Variants in CTNNA2 observed in about 807,000 individuals in gnomAD.
CTNNA2 encodes the protein catenin alpha-2.
CTNNA2 carries 42 observed loss-of-function variants against 101.0 expected under a neutral mutation model. That is an observed-to-expected ratio of 0.42 (90% confidence interval 0.32 to 0.54). The LOEUF (loss-of-function observed/expected upper bound fraction) is 0.54. CTNNA2 is among the 20% of genes least tolerant of loss of function. The probability of loss-of-function intolerance (pLI) is 0.14; values close to 1 mark genes in which losing one functional copy is unlikely to be tolerated. For synonymous variants in CTNNA2, 450 were observed against 456.4 expected (o/e 0.99, Z 0.18); for missense variants, 871 against 1,223.1 (o/e 0.71, Z 4.29).
At position 79,270,933 on chromosome 2, in the gene CTNNA2, T is replaced by TA. The variant is rs1055054678; in HGVS notation, c.-405-41767dup. ...TCTCTGCAGGAGTAAACTAGGGATT[T>TA]AAAAAAAAATGAGGAAACAGGAAAA... On this transcript the variant is annotated intron_variant, in intron 2 of 21. Coordinates refer to the CTNNA2 transcript ENST00000466387. 7.2e-4 allele frequency among the ~76,000 whole-genome samples: 108 copies of TA among 150,982 alleles called. 1 individual carries two copies. Among genetic ancestry groups the TA allele is most frequent in the Middle Eastern group, 3.4e-3 (1 of 294 alleles).
chr2:79,229,046 G>T (rs1674456804), intron 2 of CTNNA2, among the ~76,000 whole-genome samples: 1 of 152,030 alleles, frequency 6.6e-6, no homozygotes, highest in African/African-American at 2.4e-5. Flanking sequence ...TGTTAATTTT[G>T]TCAAAGGTCA....
intron 2 of CTNNA2, among the ~76,000 whole-genome samples, chr2:79,665,300 G>T (rs886348102): frequency 3.3e-5 from 5 of 152,088 alleles, no homozygotes; most frequent in African/African-American, 1.2e-4. Flanking sequence ...CACCTTCCCT[G>T]TTATCTCACA....
At chr2:79,697,758 T>C (rs529092460) in intron 2 of CTNNA2, 2 of 152,134 alleles carry the variant, frequency 1.3e-5, no homozygotes, top group Admixed American at 6.6e-5. Context: ...AAAATTAGTA[T>C]TTTGCATTGT....
At chr2:80,255,157 G>A (rs1251884246) in intron 7 of CTNNA2, among the ~76,000 whole-genome samples, 1 of 152,140 alleles carries the variant, frequency 6.6e-6, no homozygotes, top group Non-Finnish European at 1.5e-5. Flanking sequence ...TGAGCAAATT[G>A]ATTTCCTAAT....
chr2:80,573,156 G>A (rs377468376), intron 12 of CTNNA2: 5 of 152,290 alleles, frequency 3.3e-5, no homozygotes, highest in African/African-American at 4.8e-5. Context: ...TAAATAAAAC[G>A]AATATGCTTT....
At chr2:79,883,415 A>G (rs1273741093) in intron 6 of CTNNA2, among the ~76,000 whole-genome samples, 1 of 152,234 alleles carries the variant, frequency 6.6e-6, no homozygotes, top group East Asian at 1.9e-4. Context: ...TGAGGAAAAA[A>G]GCAGTATTTT....
chr2:80,323,095 G>T (rs1678877425), intron 7 of CTNNA2, among the ~76,000 whole-genome samples: 1 of 152,220 alleles, frequency 6.6e-6, no homozygotes, highest in African/African-American at 2.4e-5. Flanking sequence ...AGTGACCAGG[G>T]TCAGTGCTGG....
intron 4 of CTNNA2, among the ~76,000 whole-genome samples, chr2:79,495,781 A>G (rs1671250180): frequency 6.6e-6 from 1 of 152,218 alleles, no homozygotes; most frequent in Non-Finnish European, 1.5e-5. Context: ...TTTTTAAAAA[A>G]TGAAGTACCG....
At chr2:79,608,885 T>G (rs1261800306) in intron 1 of CTNNA2, among the ~76,000 whole-genome samples, 1 of 151,992 alleles carries the variant, frequency 6.6e-6, no homozygotes, top group Non-Finnish European at 1.5e-5. Context: ...TTATTCAGTA[T>G]TGTTCTGGAG....
At chr2:80,472,163 A>G (rs1685359921) in intron 9 of CTNNA2, among the ~76,000 whole-genome samples, 1 of 151,710 alleles carries the variant, frequency 6.6e-6, no homozygotes, top group Non-Finnish European at 1.5e-5. Flanking sequence ...AGAAGTCTAG[A>G]GGACCTGCAG....
chr2:79,941,306 C>A (rs1051680503), intron 7 of CTNNA2, among the ~76,000 whole-genome samples: 5 of 152,172 alleles, frequency 3.3e-5, no homozygotes, highest in African/African-American at 1.2e-4. Context: ...CTTAACTCTA[C>A]TATTTCAGGA....
intron 7 of CTNNA2, among the ~76,000 whole-genome samples, chr2:80,122,440 G>T (rs1342561145): frequency 6.6e-6 from 1 of 150,854 alleles, no homozygotes; most frequent in Non-Finnish European, 1.5e-5. Flanking sequence ...TTTCAAGCAA[G>T]ATTAGGAAAC....
rs1684497477 is a variant in CTNNA2 at position 80,462,378 on chromosome 2, A to G, written c.1290+42777A>G. On this transcript the variant is annotated intron_variant, in intron 9 of 18. Transcript: ENST00000402739. Reference sequence around the variant, plus strand: ...GGGAAGACTTGAAAGCAGCAAATAGAGTCTCTATCTAGGGTATACTGATTG... The same window carrying G: ...GGGAAGACTTGAAAGCAGCAAATAGGGTCTCTATCTAGGGTATACTGATTG... Among the ~76,000 whole-genome samples the G allele has an allele frequency of 2.6e-5, 4 of 152,166 alleles. No individual in the cohort carries two copies. In the South Asian group the frequency reaches 8.3e-4, roughly 32 times the overall value.
At chr2:79,314,970 G>A (rs1308758464) in intron 3 of CTNNA2, among the ~76,000 whole-genome samples, 1 of 152,174 alleles carries the variant, frequency 6.6e-6, no homozygotes, top group Non-Finnish European at 1.5e-5. Flanking sequence ...TTTGGAAAAT[G>A]GAAATGAATT....
At chr2:80,262,292 G>T (rs318367) in intron 7 of CTNNA2, among the ~76,000 whole-genome samples, 102,475 of 151,908 alleles carry the variant, frequency 0.67, 34,947 homozygotes, top group African/African-American at 0.79. Context: ...CTTTCCATTT[G>T]TTAATATAAA....
intron 7 of CTNNA2, among the ~76,000 whole-genome samples, chr2:80,312,957 G>A (rs1677742012): frequency 6.6e-6 from 1 of 152,184 alleles, no homozygotes; most frequent in Non-Finnish European, 1.5e-5. Flanking sequence ...GTAGTTCTGG[G>A]TTTGTAAACA....
At chr2:80,095,343 G>C (rs1294757104) in intron 7 of CTNNA2, among the ~76,000 whole-genome samples, 2 of 152,182 alleles carry the variant, frequency 1.3e-5, no homozygotes, top group Admixed American at 1.3e-4. Context: ...TTGCATCCCA[G>C]GGATGAAGCC....
At chr2:80,572,992 C>T (rs977222842) in intron 12 of CTNNA2, 3 of 152,054 alleles carry the variant, frequency 2.0e-5, no homozygotes, top group Non-Finnish European at 4.4e-5. Context: ...TACTCTGACC[C>T]TACAGAGTAA....
chr2:79,291,831 A>G (rs1220317015), intron 2 of CTNNA2, among the ~76,000 whole-genome samples: 1 of 152,218 alleles, frequency 6.6e-6, no homozygotes, highest in Non-Finnish European at 1.5e-5. Context: ...TATTACATAC[A>G]TATTCAGAAA....
Sources: allele counts gnomAD v4.1 joint callset (sites outside exome capture counted in the v4.1 genomes callset), GRCh38; gene constraint gnomAD v4.1.1; transcripts MANE v1.5; gene names NCBI Gene and HGNC (gene_info 2026-07-23, HGNC 2026-07-21).